Variants in DMTF1 observed in about 807,000 individuals in gnomAD.
DMTF1 encodes the protein cyclin-D-binding Myb-like transcription factor 1.
Under a neutral mutation model 91.1 loss-of-function variants are expected in DMTF1, and 39 were observed. That is an observed-to-expected ratio of 0.43 (90% CI 0.33 to 0.56). The LOEUF is 0.56. DMTF1 is among the 20% of genes least tolerant of loss of function. DMTF1 has a pLI of 0.05. For missense variants in DMTF1, 750 were observed against 914.5 expected (o/e 0.82, Z 2.32); for synonymous variants, 338 against 309.5 (o/e 1.09, Z -0.97).
intron 9 of DMTF1, among the ~76,000 whole-genome samples, chr7:87,181,684 T>A (rs1218005134): frequency 6.6e-6 from 1 of 152,208 alleles, no homozygotes; most frequent in Non-Finnish European, 1.5e-5. Context: ...ATGGCTTGGT[T>A]TAGAATGGTG....
At chr7:87,163,161 A>G (rs1306518625) in intron 1 of DMTF1, 1 of 151,698 alleles carries the variant, frequency 6.6e-6, no homozygotes, top group Non-Finnish European at 1.5e-5. Context: ...TATACACATC[A>G]TGTTACATAA....
At chr7:87,152,711 A>G (rs1259299207) in intron 1 of DMTF1, 156 bp downstream of exon 1, 1 of 153,718 alleles carries the variant, frequency 6.5e-6, no homozygotes, top group Admixed American at 6.5e-5. Flanking sequence ...GGCCTTCCTG[A>G]CGTTGCAGCT....
intron 1 of DMTF1, chr7:87,152,817 C>G (rs950274800): frequency 2.6e-5 from 4 of 155,060 alleles, no homozygotes; most frequent in Non-Finnish European, 5.8e-5. Context: ...GCTGCCGAGG[C>G]ACAGCGGCGA....
At position 87,193,890 on chromosome 7, in the gene DMTF1, G is replaced by A. The variant is rs753917456; in HGVS notation, c.1816G>A (p.Ala606Thr). ...ATCTGATTTTCCTGAGCCTCCAGAC[G>A]CCCTAGAAGCAGACACTTTCCCAGA... ...QSSDFPEPPD[A>T]LEADTFPDEI... The change falls in exon 16 of 18, where the codon GCC becomes ACC. Residue 606 changes from alanine to threonine, a missense_variant. This residue lies in a region of DMTF1 where 410 missense variants were observed against 420.2 expected (regional missense o/e 0.98). Transcript: ENST00000331242. The A allele has an allele frequency of 6.2e-6, 10 of 1,613,244 alleles. No homozygotes were observed. The highest frequency in any genetic ancestry group is 2.2e-5 in the East Asian group (1 of 44,846).
chr7:87,195,183 T>C lies in DMTF1; in HGVS notation c.*43T>C, dbSNP rs1801006139. 1 of 1,378,888 alleles carries C rather than the reference T, an allele frequency of 7.3e-7. No individual in the cohort carries two copies. The highest frequency in any genetic ancestry group is 1.4e-5 in the African/African-American group (1 of 69,598). 85.4% of individuals were successfully genotyped at this position (1,378,888 alleles called of 1,614,324 possible). On this transcript the variant is annotated 3_prime_UTR_variant, in exon 18 of 18. Coordinates refer to ENST00000331242, the MANE Select transcript of DMTF1 (RefSeq NM_001142327.2). ...GGCAGTTCAAGCAAAGAAGGCACACTGTTAATTACAACCTCTTCAAAGAAA... is the reference window on the plus strand; with the variant it reads ...GGCAGTTCAAGCAAAGAAGGCACACCGTTAATTACAACCTCTTCAAAGAAA...
chr7:87,178,455 C>G (rs55743432), intron 7 of DMTF1, among the ~76,000 whole-genome samples: 1 of 151,584 alleles, frequency 6.6e-6, no homozygotes, highest in Non-Finnish European at 1.5e-5. Flanking sequence ...ATAAGACATA[C>G]GAATATTGAA....
chr7:87,171,741 A>G (rs1321057437), intron 5 of DMTF1, among the ~76,000 whole-genome samples: 1 of 152,188 alleles, frequency 6.6e-6, no homozygotes, highest in East Asian at 1.9e-4. Flanking sequence ...ATAGATGCAT[A>G]AAGTAGTGAA....
intron 3 of DMTF1, among the ~76,000 whole-genome samples, chr7:87,166,248 G>A (rs1298745714): frequency 6.6e-6 from 1 of 152,102 alleles, no homozygotes; most frequent in East Asian, 1.9e-4. Context: ...AGTTTTCCCC[G>A]GGCTTCCCTT....
intron 1 of DMTF1, among the ~76,000 whole-genome samples, chr7:87,162,277 C>T (rs185323292): frequency 6.6e-6 from 1 of 152,168 alleles, no homozygotes; most frequent in African/African-American, 2.4e-5. Flanking sequence ...ATCTCACTAT[C>T]TCAGGCTGGT....
In DMTF1 at chr7:87,166,480, T is replaced by C; in HGVS notation, c.110-3T>C. On this transcript the variant is annotated splice_polypyrimidine_tract_variant and splice_region_variant and intron_variant, in intron 3 of 17. Transcript: ENST00000331242. ...TTTTTGTTTGTTTGTTTTCTTCCAT[T>C]AGAAGCGGATGAAATAGACTCAGAA... The C allele has an allele frequency of 6.2e-7, 1 of 1,607,700 alleles. No homozygotes were observed. Among genetic ancestry groups the C allele is most frequent in the South Asian group, 1.1e-5 (1 of 89,728 alleles).
intron 4 of DMTF1, among the ~76,000 whole-genome samples, chr7:87,168,767 TG>T (rs1794424818): frequency 6.6e-6 from 1 of 152,298 alleles, no homozygotes; most frequent in Admixed American, 6.5e-5. Flanking sequence ...TAACCTGAAG[TG>T]GGCTCATAAT....
rs775895376 is a variant in DMTF1, at chr7:87,193,975, A to G, written c.1901A>G (p.Lys634Arg). 13 of 1,613,294 alleles carry G rather than the reference A, an allele frequency of 8.1e-6. No homozygotes were observed. The highest frequency in any genetic ancestry group is 1.3e-5 in the African/African-American group (1 of 74,874). ...EPSFNDAHVSKFSDQNSTELM... is the reference protein window; with the variant it reads ...EPSFNDAHVSRFSDQNSTELM... Reference sequence around the variant, plus strand: ...TCATTTAATGATGCTCATGTATCCAAATTCAGTGACCAAAATAGCACAGAA... The same window carrying G: ...TCATTTAATGATGCTCATGTATCCAGATTCAGTGACCAAAATAGCACAGAA... The change falls in exon 16 of 18, where the codon AAA becomes AGA. Residue 634 changes from lysine to arginine, a missense_variant. Lys to Arg is a conservative substitution (Grantham distance 26, BLOSUM62 2). Transcript: ENST00000331242.
chr7:87,188,119 A>G lies in DMTF1; in HGVS notation c.1229A>G (p.His410Arg), dbSNP rs1329192705. ...TTAATAAAAGGTCTTAAACAGTTAC[A>G]TGAGAACCAAAAAAACAACCCAACG... Reference protein sequence around the residue: ...PVLIKGLKQLHENQKNNPTLL... With the variant: ...PVLIKGLKQLRENQKNNPTLL... Residue 410 changes from histidine to arginine, a missense_variant, in exon 13 of 18, where the codon CAT (histidine) becomes CGT (arginine). His to Arg is a conservative substitution (Grantham distance 29). Coordinates refer to ENST00000331242, the MANE Select transcript of DMTF1 (RefSeq NM_001142327.2). 1 of 1,613,702 alleles carries G rather than the reference A, an allele frequency of 6.2e-7. No individual in the cohort carries two copies. Among genetic ancestry groups the G allele is most frequent in the Non-Finnish European group, 8.5e-7 (1 of 1,179,830 alleles).
intron 15 of DMTF1, 96 bp from the exon 16 acceptor site, chr7:87,193,627 TAC>T: frequency 8.5e-7 from 1 of 1,182,010 alleles, no homozygotes; most frequent in South Asian, 1.5e-5. Context: ...TAAAAGTATT[TAC>T]AGTTTGAGAG....
rs746343959 is a variant in DMTF1 at position 87,174,187 on chromosome 7, T to G, written c.443-406T>G. ...TTAAGAATACATTATTCACTTGATA[T>G]TCAATATTTACCTTGCCCTAGAGTT... is the stretch of plus-strand genomic sequence containing the variant. On this transcript the variant is annotated intron_variant, in intron 6 of 17. Coordinates refer to ENST00000331242, the MANE Select transcript of DMTF1 (RefSeq NM_001142327.2). Among the ~76,000 whole-genome samples the G allele has an allele frequency of 2.6e-5, 4 of 152,226 alleles. No individual in the cohort carries two copies. In the South Asian group the frequency reaches 8.3e-4, roughly 31 times the overall value.
chr7:87,169,027 C>A (rs1203679843), intron 4 of DMTF1, among the ~76,000 whole-genome samples: 1 of 152,196 alleles, frequency 6.6e-6, no homozygotes, highest in African/African-American at 2.4e-5. Flanking sequence ...GCCTACCCTT[C>A]CATTTACTTA....
At chr7:87,153,959 A>G (rs973963867) in intron 1 of DMTF1, among the ~76,000 whole-genome samples, 3 of 152,196 alleles carry the variant, frequency 2.0e-5, no homozygotes, top group African/African-American at 7.2e-5. Context: ...TATATTTCAA[A>G]TAGCTTTCTG....
chr7:87,181,982 A>T (rs759954645), intron 9 of DMTF1: 10 of 1,479,388 alleles, frequency 6.8e-6, no homozygotes, highest in Middle Eastern at 1.8e-4. Flanking sequence ...TTTTTTGAAC[A>T]CATATCCAAG....
At chr7:87,153,222 C>A (rs55971843) in intron 1 of DMTF1, among the ~76,000 whole-genome samples, 2 of 152,064 alleles carry the variant, frequency 1.3e-5, no homozygotes, top group Admixed American at 1.3e-4. Context: ...AACCGTCTCT[C>A]TCAGTCTGAC....
Sources: gnomAD v4.1 joint callset for allele counts (sites outside exome capture counted in the v4.1 genomes callset) on GRCh38, gnomAD v4.1.1 for gene constraint, gnomAD v4.1.1 regional missense constraint, MANE v1.5 for transcripts, NCBI Gene and HGNC (gene_info 2026-07-23, HGNC 2026-07-21) for gene names.